The following CCDC191 variants were observed in gnomAD, a reference collection of about 807,000 sequenced individuals.
CCDC191 encodes coiled-coil domain containing 191.
A neutral mutation model predicts 114.0 loss-of-function variants in CCDC191; 99 were observed. The observed-to-expected ratio is 0.87, with a 90% CI of 0.74 to 1.03. The LOEUF (loss-of-function observed/expected upper bound fraction) is 1.03, where lower values mean the gene tolerates loss of function less well. Ranked by LOEUF, CCDC191 falls within the 50% of genes least tolerant of loss-of-function variation. The pLI is 0.00. For missense variants in CCDC191, 973 were observed against 1,087.0 expected, an observed-to-expected ratio of 0.90 and a Z score of 1.47; for synonymous variants, 351 against 376.0, an observed-to-expected ratio of 0.93 and a Z score of 0.77.
At chr3:114,003,628 T>A (rs1245182858) in intron 11 of CCDC191, 17 of 985,190 alleles carry the variant, frequency 1.7e-5, no homozygotes, top group East Asian at 1.1e-4. Flanking sequence ...ACAATAATTT[T>A]AAAAAAATAA....
chr3:114,015,180 T>TAACA (rs778194074), intron 8 of CCDC191, among the ~76,000 whole-genome samples: 1 of 151,624 alleles, frequency 6.6e-6, no homozygotes, highest in Non-Finnish European at 1.5e-5. Flanking sequence ...CCGGGAGGGA[T>TAACA]AACATATCAA....
intron 16 of CCDC191, among the ~76,000 whole-genome samples, chr3:113,970,896 C>G (rs1940742290): frequency 6.6e-6 from 1 of 152,142 alleles, no homozygotes; most frequent in African/African-American, 2.4e-5. Flanking sequence ...AGGACATGAA[C>G]TCATCATTTT....
intron 5 of CCDC191, among the ~76,000 whole-genome samples, chr3:114,035,771 A>T (rs970346366): frequency 6.6e-6 from 1 of 152,004 alleles, no homozygotes; most frequent in Non-Finnish European, 1.5e-5. Context: ...ACCTAACTTT[A>T]CCCTTATCTT....
intron 7 of CCDC191, among the ~76,000 whole-genome samples, chr3:114,022,304 G>A (rs370236407): frequency 6.6e-6 from 1 of 152,104 alleles, no homozygotes; most frequent in African/African-American, 2.4e-5. Flanking sequence ...AATGATTGAC[G>A]TTAGGTGGAA....
chr3:113,988,910 C>T (rs2075463583), intron 13 of CCDC191, among the ~76,000 whole-genome samples: 1 of 152,052 alleles, frequency 6.6e-6, no homozygotes, highest in African/African-American at 2.4e-5. Context: ...TCTCCTGTCT[C>T]AGCCTCCCAA....
chr3:114,019,355 AAAC>A, intron 7 of CCDC191, among the ~76,000 whole-genome samples: 1 of 152,172 alleles, frequency 6.6e-6, no homozygotes, highest in East Asian at 1.9e-4. Flanking sequence ...AGACAGCTAT[AAAC>A]AACAAAATCA....
intron 16 of CCDC191, among the ~76,000 whole-genome samples, chr3:113,976,267 A>C (rs1941334585): frequency 6.6e-6 from 1 of 152,062 alleles, no homozygotes; most frequent in Non-Finnish European, 1.5e-5. Flanking sequence ...TCAGGGTAAA[A>C]AAAAAAACAA....
chr3:114,003,293 C>A, intron 11 of CCDC191: 1 of 985,338 alleles, frequency 1.0e-6, no homozygotes, highest in Non-Finnish European at 1.2e-6. Flanking sequence ...CCTAAGCCAG[C>A]CAATAGTTAC....
At chr3:114,038,999 G>C (rs1358724861) in intron 4 of CCDC191, among the ~76,000 whole-genome samples, 1 of 151,754 alleles carries the variant, frequency 6.6e-6, no homozygotes, top group Non-Finnish European at 1.5e-5. Context: ...TAACAAACCG[G>C]TACATCCTGC....
At chr3:114,019,389 C>T (rs1013731892) in intron 7 of CCDC191, among the ~76,000 whole-genome samples, 2 of 152,106 alleles carry the variant, frequency 1.3e-5, no homozygotes, top group African/African-American at 4.8e-5. Context: ...TACCACTGAC[C>T]ACTTTAGGGC....
Position 114,002,470 on chromosome 3 carries a change from C to G in CCDC191, c.2047G>C (p.Glu683Gln), listed in dbSNP as rs143587881. 1.6e-4 allele frequency: 265 copies of G among 1,608,756 alleles called. No individual in the cohort carries two copies. In the African/African-American group the frequency reaches 3.2e-3, roughly 19 times the overall value. ...RILAEKKKKQ[E>Q]EEKLAQLKAQ... is the part of the protein sequence containing the mutation. The stretch of plus-strand genomic sequence containing the variant: ...GAATCTATTACCAATTTTTCTTCTT[C>G]TTGTTTTTTCTTCTTCTCTGCCAAG... The change falls in exon 12 of 17, where the codon GAA becomes CAA. Residue 683 changes from glutamate to glutamine, a missense_variant. Physicochemically the swap from Glu to Gln is conservative, Grantham distance 29. Coordinates refer to ENST00000295878, the MANE Select transcript of CCDC191 (RefSeq NM_020817.2).
rs778381505 is a variant in CCDC191 at position 113,989,622 on chromosome 3, A to G, written c.2164-8829T>C. 1.5e-4 allele frequency among the ~76,000 whole-genome samples: 23 copies of G among 152,246 alleles called. 1 individual carries two copies. Among genetic ancestry groups the G allele is most frequent in the Non-Finnish European group, 3.2e-4 (22 of 68,040 alleles). On this transcript the variant is annotated intron_variant, in intron 13 of 16. Transcript: ENST00000295878. ...AAATATTTTGAACTAAGTAAAGATAAAAATATCAAAATATGATATACAAGT... is the reference window on the plus strand; with the variant it reads ...AAATATTTTGAACTAAGTAAAGATAGAAATATCAAAATATGATATACAAGT...
chr3:114,011,250 A>G (rs954598893), intron 8 of CCDC191, among the ~76,000 whole-genome samples: 3 of 152,036 alleles, frequency 2.0e-5, no homozygotes, highest in Admixed American at 6.6e-5. Context: ...AGAAAGAGGA[A>G]CTGTTCTGTT....
intron 11 of CCDC191, chr3:114,003,357 GAATT>G (rs2075889805): frequency 2.0e-6 from 2 of 985,108 alleles, no homozygotes; most frequent in Admixed American, 6.2e-5. Flanking sequence ...CAAGTTTTAA[GAATT>G]AATAAACAAA....
chr3:114,018,533 T>C (rs557084546), intron 8 of CCDC191, 145 bp downstream of exon 8: 46 of 671,468 alleles, frequency 6.9e-5, no homozygotes, highest in Admixed American at 1.5e-4. Context: ...TAGTTTGAGA[T>C]GTAACATAGA....
rs533725875 is a variant in CCDC191 at position 114,012,222 on chromosome 3, C to T, written c.1164-1201G>A. Among the ~76,000 whole-genome samples, 9 of 150,614 alleles carry T rather than the reference C, an allele frequency of 6.0e-5. No homozygotes were observed. The South Asian group carries it at 1.3e-3, about 21-fold the overall frequency. On this transcript the variant is annotated intron_variant, in intron 8 of 16. Coordinates refer to ENST00000295878, the MANE Select transcript of CCDC191 (RefSeq NM_020817.2). ...AAATGTCACATTGTGACTCAATATA[C>T]GTGTGTGTGTGTGTGTGTGTAAAAG...
At chr3:113,978,410 G>T (rs1390457447) in intron 15 of CCDC191, 79 bp from the exon 16 acceptor site, 2 of 1,419,852 alleles carry the variant, frequency 1.4e-6, no homozygotes, top group Admixed American at 3.8e-5. Context: ...CAGCACAAAA[G>T]ACAGAAATGA....
At chr3:113,998,918 A>G (rs555748812) in intron 13 of CCDC191, among the ~76,000 whole-genome samples, 13 of 152,302 alleles carry the variant, frequency 8.5e-5, no homozygotes, top group Admixed American at 7.2e-4. Flanking sequence ...AAGTATAGCA[A>G]TGGGCCCATG....
At chr3:113,967,826 A>G (rs1239266921) in intron 16 of CCDC191, among the ~76,000 whole-genome samples, 1 of 152,162 alleles carries the variant, frequency 6.6e-6, no homozygotes, top group Non-Finnish European at 1.5e-5. Flanking sequence ...GTAACCACCA[A>G]TGTATTCTCT....
Sources: gnomAD v4.1 joint callset for allele counts (sites outside exome capture counted in the v4.1 genomes callset) on GRCh38, gnomAD v4.1.1 for gene constraint, MANE v1.5 for transcripts, NCBI Gene and HGNC (gene_info 2026-07-23, HGNC 2026-07-21) for gene names.